TRAPPC10: variants seen among roughly 807,000 people sequenced by gnomAD.
TRAPPC10 encodes the protein TRAPP 130 kDa subunit.
In TRAPPC10, 23 loss-of-function variants were observed where a neutral mutation model predicts 125.5. The ratio of observed to expected loss-of-function variants is 0.18; its 90% CI spans 0.13 to 0.26. TRAPPC10 has a LOEUF of 0.26. TRAPPC10 is among the 10% of genes least tolerant of loss of function. The probability of loss-of-function intolerance (pLI) is 1.00; values close to 1 mark genes in which losing one functional copy is unlikely to be tolerated. For missense variants in TRAPPC10, 1,123 were observed against 1,308.4 expected (o/e 0.86, Z 2.19); for synonymous variants, 509 against 518.0 (o/e 0.98, Z 0.24).
chr21:44,088,692 A>C (rs1467972243), intron 17 of TRAPPC10: 1 of 156,054 alleles, frequency 6.4e-6, no homozygotes, highest in Non-Finnish European at 1.4e-5. Flanking sequence ...TTAGCTCAGC[A>C]GGAGCGCGCA....
intron 3 of TRAPPC10, among the ~76,000 whole-genome samples, chr21:44,042,581 GT>G (rs1239766146): frequency 6.6e-6 from 1 of 152,188 alleles, no homozygotes; most frequent in Non-Finnish European, 1.5e-5. Context: ...GACATTTCAT[GT>G]GTGTTTGAGA....
chr21:44,081,035 T>TTGACTATCTTGCTCTC (rs2037697028), intron 13 of TRAPPC10, among the ~76,000 whole-genome samples: 2 of 146,804 alleles, frequency 1.4e-5, no homozygotes, highest in African/African-American at 5.1e-5. Context: ...TTTTTTTTTT[T>TTGACTATCTTGCTCTC]TTGACTATCT....
At chr21:44,055,185 A>G (rs533802172) in intron 4 of TRAPPC10, among the ~76,000 whole-genome samples, 19 of 152,232 alleles carry the variant, frequency 1.2e-4, no homozygotes, top group South Asian at 4.1e-4. Context: ...TTCTATAGCA[A>G]ACTCTCCTTT....
At chr21:44,053,721 C>T (rs1404168285) in intron 4 of TRAPPC10, among the ~76,000 whole-genome samples, 1 of 152,146 alleles carries the variant, frequency 6.6e-6, no homozygotes, top group Non-Finnish European at 1.5e-5. Context: ...TGTGGTGTCT[C>T]GCTGAGGCTG....
At chr21:44,052,625 GAGTTCCTGTTT>G in intron 4 of TRAPPC10, 149 bp downstream of exon 4, 1 of 731,618 alleles carries the variant, frequency 1.4e-6, no homozygotes. Flanking sequence ...TGTCCTTGTG[GAGTTCCTGTTT>G]AGGCAGGCAA....
At chr21:44,031,106 C>T (rs994326518) in intron 1 of TRAPPC10, among the ~76,000 whole-genome samples, 5 of 152,102 alleles carry the variant, frequency 3.3e-5, no homozygotes, top group African/African-American at 9.7e-5. Context: ...GCCATCTGCC[C>T]GGAAATGTCA....
Position 44,012,487 on chromosome 21 carries a change from G to GACGCCC in TRAPPC10, c.-5_1dup. On this transcript the variant is annotated 5_prime_UTR_variant, in exon 1 of 23. Transcript: ENST00000291574. ...GCGGGGGGCCGGGCCGGTGACGCCG[G>GACGCCC]ACGCCCATGGACGCCTCTGAGGAGC... 6.7e-7 allele frequency: 1 copy of GACGCCC among 1,482,014 alleles called. No individual in the cohort carries two copies. Among genetic ancestry groups the GACGCCC allele is most frequent in the Non-Finnish European group, 9.0e-7 (1 of 1,109,534 alleles). The allele number at this position is 1,482,014 out of a possible 1,614,324, so 91.8% of individuals were successfully genotyped here.
Position 44,086,941 on chromosome 21 carries a change from G to A in TRAPPC10, c.2520G>A (p.Val840=). The change falls in exon 16 of 23, where the codon GTG becomes GTA. Residue 840 remains valine (V), a synonymous_variant. Coordinates refer to ENST00000291574, the MANE Select transcript of TRAPPC10 (RefSeq NM_003274.5). The part of the protein sequence containing the change: ...LILCQAESRA[V]VYSNTREQSS... ...TGTGCCAGGCGGAGAGCAGGGCTGTGGTCTACTCCAACACGAGAGGTGAGG... is the reference window on the plus strand; with the variant it reads ...TGTGCCAGGCGGAGAGCAGGGCTGTAGTCTACTCCAACACGAGAGGTGAGG... The A allele has an allele frequency of 6.2e-7, 1 of 1,614,148 alleles. No homozygotes were observed. Among genetic ancestry groups the A allele is most frequent in the Non-Finnish European group, 8.5e-7 (1 of 1,180,018 alleles).
chr21:44,021,256 G>A (rs759222641), intron 1 of TRAPPC10, among the ~76,000 whole-genome samples: 3 of 152,098 alleles, frequency 2.0e-5, no homozygotes, highest in Admixed American at 6.6e-5. Context: ...AAACATTTAC[G>A]GAGGACCTAT....
intron 1 of TRAPPC10, among the ~76,000 whole-genome samples, chr21:44,021,213 T>G (rs1002022865): frequency 1.3e-5 from 2 of 152,012 alleles, no homozygotes; most frequent in Non-Finnish European, 2.9e-5. Context: ...TAGTGTGGAG[T>G]ATGGAGGAGT....
rs371333627 is a variant in TRAPPC10, at chr21:44,082,739, G to A, written c.1724-49G>A. ...TGTCCGCGGCCTGCTGCTGCTTACT[G>A]TCAGGAAGTGTGACTTGGGGAGTCA... is the stretch of plus-strand genomic sequence containing the variant. On this transcript the variant is annotated intron_variant, in intron 13 of 22. Coordinates refer to ENST00000291574, the MANE Select transcript of TRAPPC10 (RefSeq NM_003274.5). The surrounding 1 kb of genome is among the most constrained non-coding windows in gnomAD (Gnocchi z 4.4). The A allele has an allele frequency of 4.4e-6, 7 of 1,602,334 alleles. No individual in the cohort carries two copies. Among genetic ancestry groups the A allele is most frequent in the Non-Finnish European group, 6.0e-6 (7 of 1,172,780 alleles).
At chr21:44,012,601 C>T (rs1427486642) in intron 1 of TRAPPC10, 41 bp downstream of exon 1, 3 of 1,502,950 alleles carry the variant, frequency 2.0e-6, no homozygotes, top group East Asian at 2.6e-5. Context: ...GGTCGTTGGG[C>T]GGGCCCGGGC....
intron 1 of TRAPPC10, among the ~76,000 whole-genome samples, chr21:44,018,954 T>A (rs934064250): frequency 1.3e-5 from 2 of 152,282 alleles, no homozygotes; most frequent in South Asian, 4.1e-4. Flanking sequence ...TCTCCAAAGG[T>A]ATTGCACACT....
chr21:44,031,599 G>C (rs1384430721), intron 1 of TRAPPC10, among the ~76,000 whole-genome samples: 1 of 152,206 alleles, frequency 6.6e-6, no homozygotes, highest in East Asian at 1.9e-4. Flanking sequence ...GAATGAGAGG[G>C]TGCCTGGCAG....
At chr21:44,091,867 T>C (rs2038603608) in intron 18 of TRAPPC10, 56 bp from the exon 19 acceptor site, 1 of 1,552,418 alleles carries the variant, frequency 6.4e-7, no homozygotes, top group East Asian at 2.3e-5. Context: ...AAAGCTAAGA[T>C]ATATTTAATA....
At chr21:44,079,362 C>A in intron 11 of TRAPPC10, 1 of 531,694 alleles carries the variant, frequency 1.9e-6, no homozygotes, top group South Asian at 3.1e-5. Context: ...TTTCTCAGAT[C>A]TTTGCCTGGG....
In TRAPPC10 at chr21:44,065,912, G is replaced by C. The variant is rs540936583; in HGVS notation, c.1038+2127G>C. On this transcript the variant is annotated intron_variant, in intron 7 of 22. Transcript: ENST00000291574. ...ATGAGTGTCTCACTGTGTCGCCCAG[G>C]CTGGTCTGGAACTTCCGGGCTCAAG... 6.6e-5 allele frequency among the ~76,000 whole-genome samples: 10 copies of C among 152,278 alleles called. No individual in the cohort carries two copies. The South Asian group carries it at 1.7e-3, about 25-fold the overall frequency.
intron 1 of TRAPPC10, among the ~76,000 whole-genome samples, chr21:44,019,970 C>T (rs772316948): frequency 8.5e-5 from 13 of 152,138 alleles, no homozygotes; most frequent in Non-Finnish European, 1.9e-4. Context: ...AAAGTCCAGC[C>T]TCTTCTGTGC....
chr21:44,090,698 G>T (rs1388074244), intron 18 of TRAPPC10, among the ~76,000 whole-genome samples: 1 of 152,154 alleles, frequency 6.6e-6, no homozygotes, highest in African/African-American at 2.4e-5. Context: ...TTGATCAATG[G>T]GCTCGGGATG....
Sources: allele counts gnomAD v4.1 joint callset (sites outside exome capture counted in the v4.1 genomes callset), GRCh38; gene constraint gnomAD v4.1.1; non-coding constraint Gnocchi (gnomAD v3.1); transcripts MANE v1.5; gene names NCBI Gene and HGNC (gene_info 2026-07-23, HGNC 2026-07-21).